Variants in CIB1 observed in about 807,000 individuals in gnomAD.
The protein encoded by CIB1 is calcium and integrin binding 1, also known as calcium and integrin-binding protein 1.
A neutral mutation model predicts 25.0 loss-of-function variants in CIB1; 19 were observed. That is an observed-to-expected ratio of 0.76 (90% CI 0.53 to 1.12). CIB1 has a LOEUF of 1.12. Among genes scored for constraint, CIB1 ranks in the 50% most tolerant of loss-of-function variants. The pLI is 0.00. For missense variants in CIB1, 236 were observed against 242.6 expected (o/e 0.97, Z 0.18); for synonymous variants, 104 against 98.5 (o/e 1.06, Z -0.33).
the CIB1 span, chr15:90,263,273 G>A: frequency 1.2e-6 from 1 of 833,740 alleles, no homozygotes; most frequent in Non-Finnish European, 1.8e-6. Flanking sequence ...AAAGCAGAGT[G>A]CGCTAGCTGG....
intron 2 of CIB1, among the ~76,000 whole-genome samples, chr15:90,232,777 G>A (rs113072712): frequency 0.019 from 2,837 of 152,042 alleles, 97 homozygotes; most frequent in African/African-American, 0.064. Flanking sequence ...ATGGTGGCGG[G>A]TGCCTATAAT....
chr15:90,237,827 C>T (rs754144377), upstream of CIB1, among the ~76,000 whole-genome samples: 2 of 151,976 alleles, frequency 1.3e-5, no homozygotes, highest in Non-Finnish European at 2.9e-5. Flanking sequence ...GTGCAAGTGC[C>T]TGTGGTCCCA....
At chr15:90,239,841 C>T in the CIB1 span, among the ~76,000 whole-genome samples, 8 of 152,210 alleles carry the variant, frequency 5.3e-5, no homozygotes, top group African/African-American at 1.9e-4. Context: ...GAAAGAATCC[C>T]TTGAGCCTGG....
chr15:90,233,522 G>A (rs1343879706), intron 2 of CIB1, 147 bp downstream of exon 2: 4 of 1,040,854 alleles, frequency 3.8e-6, no homozygotes, highest in Non-Finnish European at 5.8e-6. Flanking sequence ...CCGGGAGGAG[G>A]GCGCAGCCCG....
chr15:90,250,316 T>C, the CIB1 span, among the ~76,000 whole-genome samples: 1 of 152,202 alleles, frequency 6.6e-6, no homozygotes, highest in Non-Finnish European at 1.5e-5. Flanking sequence ...GCCATGGTCA[T>C]GGCCCATACC....
At chr15:90,262,692 T>TA in the CIB1 span, 348 of 1,457,018 alleles carry the variant, frequency 2.4e-4, no homozygotes, top group Non-Finnish European at 3.0e-4. Context: ...TTGTAGCTCT[T>TA]ATCTTTCCAC....
At chr15:90,237,222 G>A (rs1962653885), upstream of CIB1, among the ~76,000 whole-genome samples, 1 of 151,150 alleles carries the variant, frequency 6.6e-6, no homozygotes, top group African/African-American at 2.4e-5. Context: ...GCCCCCCAGA[G>A]TGCTGGGATT....
At chr15:90,241,848 T>C in the CIB1 span, 2 of 1,614,200 alleles carry the variant, frequency 1.2e-6, no homozygotes, top group Non-Finnish European at 1.7e-6. Flanking sequence ...AGTAATTCTG[T>C]GGGCCCGGAA....
At chr15:90,235,018 G>C (rs990162220), upstream of CIB1, among the ~76,000 whole-genome samples, 1 of 152,194 alleles carries the variant, frequency 6.6e-6, no homozygotes, top group South Asian at 2.1e-4. Flanking sequence ...GAGTATGTTA[G>C]TCTCAGTTTA....
At chr15:90,263,293 G>A in the CIB1 span, 1 of 701,320 alleles carries the variant, frequency 1.4e-6, no homozygotes, top group Non-Finnish European at 2.3e-6. Context: ...GACCTTGGGA[G>A]AGGGTCTGTT....
intron 6 of CIB1, among the ~76,000 whole-genome samples, chr15:90,230,721 C>T (rs1246441710): frequency 6.6e-6 from 1 of 151,560 alleles, no homozygotes; most frequent in Non-Finnish European, 1.5e-5. Flanking sequence ...TGAGTACAAA[C>T]ACAGAGCAAT....
chr15:90,251,206 C>T, the CIB1 span, among the ~76,000 whole-genome samples: 16 of 147,098 alleles, frequency 1.1e-4, no homozygotes, highest in Admixed American at 3.6e-4. Flanking sequence ...CTCCGCCTCC[C>T]GGGTTCAGGC....
the CIB1 span, chr15:90,241,870 G>A: frequency 6.3e-5 from 102 of 1,614,008 alleles, no homozygotes; most frequent in Non-Finnish European, 8.4e-5. Context: ...TCCAGCTTTG[G>A]GATAAAGGAC....
the CIB1 span, among the ~76,000 whole-genome samples, chr15:90,251,792 A>T: frequency 6.8e-6 from 1 of 148,024 alleles, no homozygotes; most frequent in Admixed American, 6.9e-5. Flanking sequence ...AGGTAGTCTC[A>T]GTGTTAGGGA....
At chr15:90,245,998 G>T in the CIB1 span, among the ~76,000 whole-genome samples, 14 of 152,048 alleles carry the variant, frequency 9.2e-5, no homozygotes, top group East Asian at 2.7e-3. Flanking sequence ...CAGAGGCCGG[G>T]CACGGTGGCA....
chr15:90,258,966 T>C, the CIB1 span: 9 of 1,613,842 alleles, frequency 5.6e-6, no homozygotes, highest in Non-Finnish European at 7.6e-6. Context: ...TTCTTCATTA[T>C]TCCTGAGAGT....
chr15:90,263,460 C>A, the CIB1 span: 1 of 484,820 alleles, frequency 2.1e-6, no homozygotes, highest in Non-Finnish European at 3.6e-6. Flanking sequence ...GCCCACCACC[C>A]TCAGTGGCTT....
chr15:90,235,913 T>G (rs1962627659), upstream of CIB1: 1 of 152,006 alleles, frequency 6.6e-6, no homozygotes, highest in Non-Finnish European at 1.5e-5. Context: ...CGAGAAAGAG[T>G]TAGTCTTCTG....
chr15:90,263,802 G>A, the CIB1 span: 1 of 707,890 alleles, frequency 1.4e-6, no homozygotes, highest in Non-Finnish European at 2.6e-6. Context: ...TGGTCCTACT[G>A]GTGCTCCTAA....
Sources: gnomAD v4.1 joint callset for allele counts (sites outside exome capture counted in the v4.1 genomes callset) on GRCh38, gnomAD v4.1.1 for gene constraint, MANE v1.5 for transcripts, NCBI Gene and HGNC (gene_info 2026-07-23, HGNC 2026-07-21) for gene names.